The following PTPRJ variants were observed in gnomAD, a reference collection of about 807,000 sequenced individuals.
PTPRJ encodes the protein receptor-type tyrosine-protein phosphatase eta.
In PTPRJ, 129 loss-of-function variants were observed where a neutral mutation model predicts 141.3. The observed-to-expected ratio is 0.91, with a 90% CI of 0.79 to 1.06. The LOEUF (loss-of-function observed/expected upper bound fraction) is 1.06, where lower values mean the gene tolerates loss of function less well. Among genes scored for constraint, PTPRJ ranks in the 50% least tolerant of loss-of-function variants. The pLI, the probability that PTPRJ is intolerant of heterozygous loss-of-function variation, is 0.00. For synonymous variants in PTPRJ, 610 were observed against 640.5 expected (o/e 0.95, Z 0.72); for missense variants, 1,601 against 1,679.7 (o/e 0.95, Z 0.82).
chr11:48,043,780 G>T (rs767958301), intron 1 of PTPRJ, among the ~76,000 whole-genome samples: 2 of 152,134 alleles, frequency 1.3e-5, no homozygotes, highest in Non-Finnish European at 2.9e-5. Flanking sequence ...GTGGGCTAAT[G>T]GCTCTGTTTA....
At position 47,990,982 on chromosome 11, in the gene PTPRJ, A is replaced by G. The variant is rs949318454; in HGVS notation, c.96+9974A>G. 2.6e-5 allele frequency among the ~76,000 whole-genome samples: 4 copies of G among 151,972 alleles called. No individual in the cohort carries two copies. The East Asian group carries it at 7.7e-4, about 29-fold the overall frequency. ...GCATGAGCCACCGTGACCGGCGGAA[A>G]GTGTTGGGATTACAGGTGTGAGCCA... On this transcript the variant is annotated intron_variant, in intron 1 of 24. Coordinates refer to ENST00000418331, the MANE Select transcript of PTPRJ (RefSeq NM_002843.4).
intron 11 of PTPRJ, among the ~76,000 whole-genome samples, chr11:48,140,254 T>A (rs1363445821): frequency 6.6e-6 from 1 of 152,186 alleles, no homozygotes; most frequent in Non-Finnish European, 1.5e-5. Context: ...GGTCTTGAAC[T>A]CCTGACCTCA....
At position 48,123,808 on chromosome 11, in the gene PTPRJ, A is replaced by G. The variant is rs1316081384; in HGVS notation, c.812A>G (p.Asn271Ser). The change falls in exon 5 of 25, where the codon AAC becomes AGC. Residue 271 changes from asparagine to serine, a missense_variant. By Grantham distance (46) the Asn-to-Ser change is conservative. Coordinates refer to ENST00000418331, the MANE Select transcript of PTPRJ (RefSeq NM_002843.4). ...GLKPGVQYNI[N>S]PYLLQSNKTK... ...AAGCCAGGGGTTCAATACAACATCA[A>G]CCCGTATCTTCTACAATCAAATAAG... 2.5e-6 allele frequency: 4 copies of G among 1,613,922 alleles called. No individual in the cohort carries two copies. Among genetic ancestry groups the G allele is most frequent in the East Asian group, 2.2e-5 (1 of 44,878 alleles).
chr11:47,981,031 CG>C (rs1052445304), intron 1 of PTPRJ, 23 bp downstream of exon 1: 13 of 285,768 alleles, frequency 4.5e-5, no homozygotes, highest in Middle Eastern at 2.5e-3. Context: ...TGGGCTCGGG[CG>C]GGGGGCAGGA....
intron 1 of PTPRJ, among the ~76,000 whole-genome samples, chr11:48,035,537 T>A (rs1299271281): frequency 2.0e-5 from 2 of 100,452 alleles, no homozygotes; most frequent in Admixed American, 2.2e-4. Flanking sequence ...TCTTTCTTCT[T>A]CTTTTTTTTT....
Position 48,027,850 on chromosome 11 carries a change from C to T in PTPRJ, c.96+46842C>T, listed in dbSNP as rs1452802316. ...TTCAGTGCAGGGCCTGTCTGCTCTC[C>T]AGGGAAGGCTGCAGTATTGTCAGGT... On this transcript the variant is annotated intron_variant, in intron 1 of 24. Transcript: ENST00000418331. Among the ~76,000 whole-genome samples, 5 of 148,064 alleles carry T rather than the reference C, an allele frequency of 3.4e-5. No individual in the cohort carries two copies. The East Asian group carries it at 9.9e-4, about 29-fold the overall frequency.
At chr11:48,167,145 G>T in intron 24 of PTPRJ, 59 bp from the exon 25 acceptor site, 1 of 1,498,314 alleles carries the variant, frequency 6.7e-7, no homozygotes, top group Non-Finnish European at 9.2e-7. Context: ...AATAATTTTG[G>T]GTGCTAATTT....
chr11:47,999,863 C>CTTTTT (rs1209647054), intron 1 of PTPRJ, among the ~76,000 whole-genome samples: 2 of 136,282 alleles, frequency 1.5e-5, no homozygotes, highest in Non-Finnish European at 1.5e-5. Context: ...CGAGATTCTT[C>CTTTTT]TTTTTTTTTT....
intron 1 of PTPRJ, among the ~76,000 whole-genome samples, chr11:48,066,215 A>G (rs1021296660): frequency 2.0e-5 from 3 of 152,240 alleles, no homozygotes; most frequent in Non-Finnish European, 4.4e-5. Flanking sequence ...ATGTAGATGC[A>G]TAAAAGCAAA....
At chr11:47,989,521 A>G (rs1590384982) in intron 1 of PTPRJ, among the ~76,000 whole-genome samples, 2 of 145,308 alleles carry the variant, frequency 1.4e-5, no homozygotes, top group Admixed American at 6.9e-5. Context: ...CAGGTGACCC[A>G]CCTGCCTCGG....
At chr11:47,981,521 T>C (rs1037679713) in intron 1 of PTPRJ, among the ~76,000 whole-genome samples, 4 of 152,156 alleles carry the variant, frequency 2.6e-5, no homozygotes, top group Non-Finnish European at 4.4e-5. Flanking sequence ...GGCGCGGGAC[T>C]CCGGGCCGAG....
At position 48,146,904 on chromosome 11, in the gene PTPRJ, T is replaced by C; in HGVS notation, c.2940T>C (p.Cys980=). 6.2e-7 allele frequency: 1 copy of C among 1,614,166 alleles called. No individual in the cohort carries two copies. The highest frequency in any genetic ancestry group is 8.5e-7 in the Non-Finnish European group (1 of 1,180,012). The part of the protein sequence containing the change: ...PGVICGAVFG[C]IFGALVIVTV... ...TCATCTGTGGAGCGGTTTTTGGCTG[T>C]ATCTTTGGTGCCCTGGTTATTGTGA... is the stretch of plus-strand genomic sequence containing the variant. The change falls in exon 15 of 25, where the codon TGT becomes TGC. Residue 980 remains cysteine, a synonymous_variant. Transcript: ENST00000418331.
At position 47,980,576 on chromosome 11, in the gene PTPRJ, G is replaced by T. The variant is rs1853867143; in HGVS notation, c.-337G>T. The T allele has an allele frequency of 1.0e-6, 1 of 982,906 alleles. No individual in the cohort carries two copies. The highest frequency in any genetic ancestry group is 1.2e-6 in the Non-Finnish European group (1 of 829,034). The allele number at this position is 982,906 out of a possible 1,614,324, so 60.9% of individuals were successfully genotyped here. On this transcript the variant is annotated 5_prime_UTR_variant, in exon 1 of 25. Transcript: ENST00000418331. ...CCTGCAGCAGCCCCAGCCGCATGAC[G>T]CGCGGAGGAGGCAGCGGGAGCAGCC...
At position 48,159,137 on chromosome 11, in the gene PTPRJ, G is replaced by GTC. The variant is rs1484787898; in HGVS notation, c.3439-792_3439-791insCT. 4.1e-5 allele frequency among the ~76,000 whole-genome samples: 6 copies of GTC among 147,524 alleles called. 1 individual carries two copies. The highest frequency in any genetic ancestry group is 7.5e-5 in the African/African-American group (3 of 40,238). On this transcript the variant is annotated intron_variant, in intron 21 of 24. Coordinates refer to ENST00000418331, the MANE Select transcript of PTPRJ (RefSeq NM_002843.4). ...GTGTATGTGGGGTGTGTGTGTGTGT[G>GTC]TGTGTGTGTGTGTGTGTGTGTGTGG...
intron 1 of PTPRJ, among the ~76,000 whole-genome samples, chr11:48,086,199 A>C (rs1195301391): frequency 6.6e-6 from 1 of 152,072 alleles, no homozygotes; most frequent in Non-Finnish European, 1.5e-5. Context: ...TTTTTTTGAG[A>C]CGGAGTCTCT....
intron 24 of PTPRJ, among the ~76,000 whole-genome samples, 176 bp from the exon 25 acceptor site, chr11:48,167,028 T>C (rs1224756800): frequency 7.9e-5 from 12 of 152,204 alleles, no homozygotes; most frequent in Admixed American, 7.2e-4. Context: ...CTTCTGTGAT[T>C]TCAGATTTCA....
intron 1 of PTPRJ, among the ~76,000 whole-genome samples, chr11:48,074,139 C>T (rs993526699): frequency 2.0e-5 from 3 of 152,054 alleles, no homozygotes; most frequent in African/African-American, 7.2e-5. Context: ...GCCACCATGC[C>T]CAGCTAATTT....
chr11:48,036,665 G>C (rs899409321), intron 1 of PTPRJ, among the ~76,000 whole-genome samples: 2 of 152,114 alleles, frequency 1.3e-5, no homozygotes, highest in South Asian at 4.1e-4. Flanking sequence ...ATTAGCCTAG[G>C]AGAGATTCCT....
At chr11:48,099,307 G>T (rs570777137) in intron 1 of PTPRJ, among the ~76,000 whole-genome samples, 1 of 152,274 alleles carries the variant, frequency 6.6e-6, no homozygotes, top group South Asian at 2.1e-4. Context: ...TTAAATGGGT[G>T]GAGAAAACAA....
Sources: gnomAD v4.1 joint callset for allele counts (sites outside exome capture counted in the v4.1 genomes callset) on GRCh38, gnomAD v4.1.1 for gene constraint, MANE v1.5 for transcripts, NCBI Gene and HGNC (gene_info 2026-07-23, HGNC 2026-07-21) for gene names.